Variants in ABI3BP observed in about 807,000 individuals in gnomAD.
ABI3BP encodes target of Nesh-SH3.
ABI3BP carries 216 observed loss-of-function variants against 268.6 expected under a neutral mutation model. That is an observed-to-expected ratio of 0.80 (90% CI 0.72 to 0.90). The LOEUF (loss-of-function observed/expected upper bound fraction) is 0.90. Among genes scored for constraint, ABI3BP ranks in the 40% least tolerant of loss-of-function variants. ABI3BP has a pLI of 0.00. For missense variants in ABI3BP, 2,090 were observed against 2,182.4 expected (o/e 0.96, Z 0.84); for synonymous variants, 730 against 730.0 (o/e 1.00, Z 0.00).
At chr3:100,891,804 G>A (rs2044811376) in intron 4 of ABI3BP, among the ~76,000 whole-genome samples, 1 of 152,200 alleles carries the variant, frequency 6.6e-6, no homozygotes, top group Non-Finnish European at 1.5e-5. Context: ...ACAATGCTGG[G>A]TTCTGTGTGA....
intron 4 of ABI3BP, among the ~76,000 whole-genome samples, chr3:100,888,838 G>A (rs1443839377): frequency 1.5e-5 from 2 of 132,170 alleles, no homozygotes; most frequent in South Asian, 4.8e-4. Context: ...TTCAAGCAGA[G>A]AGATTAGGCC....
intron 1 of ABI3BP, among the ~76,000 whole-genome samples, chr3:100,936,535 A>C (rs1461655359): frequency 6.6e-6 from 1 of 152,056 alleles, no homozygotes; most frequent in African/African-American, 2.4e-5. Context: ...TGTTTTGAAG[A>C]GTTTCAGAAG....
At position 100,775,246 on chromosome 3, in the gene ABI3BP, T is replaced by C. The variant is rs41273547; in HGVS notation, c.4423A>G (p.Ile1475Val). The change falls in exon 60 of 68, where the codon ATA becomes GTA. Residue 1475 changes from isoleucine (I) to valine (V), a missense_variant. Ile to Val is a conservative substitution (Grantham distance 29). Coordinates refer to ENST00000471714, the MANE Select transcript of ABI3BP (RefSeq NM_001375547.2). The stretch of plus-strand genomic sequence containing the variant: ...GAGGCAGGAACTGTTGGTTGCTTTA[T>C]ATCTGTCTCTATTCTCTCCAAGGGA... The part of the protein sequence containing the change: ...GTPLERIETD[I>V]KQPTVPASGE... 7,296 of 1,611,712 alleles carry C rather than the reference T, an allele frequency of 4.5e-3. 35 individuals are homozygous for C. Among genetic ancestry groups the C allele is most frequent in the Non-Finnish European group, 5.2e-3 (6,082 of 1,178,852 alleles).
At chr3:100,759,037 A>C (rs528374653) in intron 63 of ABI3BP, among the ~76,000 whole-genome samples, 1 of 152,280 alleles carries the variant, frequency 6.6e-6, no homozygotes, top group East Asian at 1.9e-4. Flanking sequence ...AACTGAAGTA[A>C]AGTTTTCATT....
intron 2 of ABI3BP, among the ~76,000 whole-genome samples, chr3:100,923,667 T>C (rs1039400442): frequency 3.9e-5 from 6 of 152,128 alleles, no homozygotes; most frequent in African/African-American, 1.4e-4. Context: ...CGGCAAAAAC[T>C]GCAATAACTT....
chr3:100,966,013 A>T (rs537782454), intron 1 of ABI3BP, among the ~76,000 whole-genome samples: 24 of 152,324 alleles, frequency 1.6e-4, no homozygotes, highest in South Asian at 6.2e-4. Flanking sequence ...TCCATGAATC[A>T]GGCCCAGTTC....
chr3:100,824,428 T>C (rs1272319733), intron 36 of ABI3BP, among the ~76,000 whole-genome samples: 1 of 152,136 alleles, frequency 6.6e-6, no homozygotes, highest in Non-Finnish European at 1.5e-5. Flanking sequence ...CAGGCAAACA[T>C]ATCTTCAACT....
At chr3:100,982,195 C>T (rs1048323685) in intron 1 of ABI3BP, among the ~76,000 whole-genome samples, 1 of 148,960 alleles carries the variant, frequency 6.7e-6, no homozygotes, top group Admixed American at 6.7e-5. Flanking sequence ...CCCCCATGAT[C>T]CAATCACCTC....
intron 19 of ABI3BP, among the ~76,000 whole-genome samples, chr3:100,846,929 C>A (rs1248410150): frequency 1.3e-5 from 2 of 152,080 alleles, no homozygotes; most frequent in Non-Finnish European, 2.9e-5. Context: ...CCTATCAACC[C>A]CTCACCTAGG....
intron 27 of ABI3BP, among the ~76,000 whole-genome samples, chr3:100,836,067 T>C (rs1480138660): frequency 1.3e-5 from 2 of 152,178 alleles, no homozygotes; most frequent in African/African-American, 4.8e-5. Context: ...ATTAGAAAGA[T>C]GTTTTCAGTC....
At chr3:100,809,950 G>T (rs1340021153) in intron 49 of ABI3BP, among the ~76,000 whole-genome samples, 6 of 151,996 alleles carry the variant, frequency 3.9e-5, no homozygotes, top group Non-Finnish European at 1.5e-5. Context: ...AAAGATATCT[G>T]AATAACTACA....
At chr3:100,890,630 C>T (rs1011755143) in intron 4 of ABI3BP, among the ~76,000 whole-genome samples, 3 of 152,144 alleles carry the variant, frequency 2.0e-5, no homozygotes, top group African/African-American at 7.2e-5. Context: ...TCTTAATAAT[C>T]TGTCTTCTCC....
At chr3:100,844,510 G>C (rs1004953437) in intron 20 of ABI3BP, 1 of 961,758 alleles carries the variant, frequency 1.0e-6, no homozygotes, top group African/African-American at 1.8e-5. Context: ...AAAAATAGAA[G>C]AGTGTGCGGA....
chr3:100,867,640 C>CAAAAAAAAAAAA (rs5851230), intron 9 of ABI3BP, among the ~76,000 whole-genome samples: 3 of 64,222 alleles, frequency 4.7e-5, no homozygotes, highest in Non-Finnish European at 5.5e-5. Context: ...GACCCCGTCT[C>CAAAAAAAAAAAA]AAAAAAAAAA....
chr3:100,970,872 A>G (rs1365194579), intron 1 of ABI3BP, among the ~76,000 whole-genome samples: 1 of 152,176 alleles, frequency 6.6e-6, no homozygotes, highest in African/African-American at 2.4e-5. Flanking sequence ...ACTTCATCTC[A>G]GTATCCAAAT....
intron 28 of ABI3BP, among the ~76,000 whole-genome samples, chr3:100,835,297 T>C (rs1417917007): frequency 6.6e-6 from 1 of 152,184 alleles, no homozygotes; most frequent in Non-Finnish European, 1.5e-5. Context: ...CCTAATTGTA[T>C]TTGAAATTCA....
chr3:100,776,888 T>A (rs898487208), intron 59 of ABI3BP, among the ~76,000 whole-genome samples: 19 of 152,126 alleles, frequency 1.2e-4, no homozygotes, highest in African/African-American at 4.6e-4. Context: ...ACAGCATTGC[T>A]CTGGAGGGGG....
rs5851239 is a variant in ABI3BP, at chr3:100,981,243, T to TAA, written c.79+12061_79+12062dup. On this transcript the variant is annotated intron_variant, in intron 1 of 67. Coordinates refer to ENST00000471714, the MANE Select transcript of ABI3BP (RefSeq NM_001375547.2). ...TGACATAGAAACAACACTTTTGCCT[T>TAA]AAAAAAAAAAATAAAGTGTGCATTG... 2.1e-3 allele frequency among the ~76,000 whole-genome samples: 316 copies of TAA among 149,518 alleles called. 1 individual carries two copies. Among genetic ancestry groups the TAA allele is most frequent in the African/African-American group, 5.0e-3 (204 of 40,848 alleles).
intron 2 of ABI3BP, among the ~76,000 whole-genome samples, chr3:100,905,342 C>G (rs948359020): frequency 1.3e-5 from 2 of 152,084 alleles, no homozygotes; most frequent in Non-Finnish European, 2.9e-5. Context: ...AGCACACCAA[C>G]ATTGCACATG....
Sources: gnomAD v4.1 joint callset for allele counts (sites outside exome capture counted in the v4.1 genomes callset) on GRCh38, gnomAD v4.1.1 for gene constraint, MANE v1.5 for transcripts, NCBI Gene and HGNC (gene_info 2026-07-23, HGNC 2026-07-21) for gene names.